Variants in ZNF273 observed in about 807,000 individuals in gnomAD.
The protein encoded by ZNF273 is zinc finger protein 273, also known as zinc finger protein 9.
ZNF273 carries 11 observed loss-of-function variants against 14.9 expected under a neutral mutation model. That is an observed-to-expected ratio of 0.74 (90% confidence interval 0.46 to 1.22). The LOEUF (loss-of-function observed/expected upper bound fraction) is 1.22, where lower values mean the gene tolerates loss of function less well. Ranked by LOEUF, ZNF273 falls within the 50% of genes most tolerant of loss-of-function variation. ZNF273 has a pLI of 0.00. For synonymous variants in ZNF273, 199 were observed against 223.9 expected (o/e 0.89, Z 0.99); for missense variants, 577 against 660.6 (o/e 0.87, Z 1.39).
At chr7:64,889,305 C>T (rs1472247004), downstream of ZNF273, 3 of 943,280 alleles carry the variant, frequency 3.2e-6, no homozygotes, top group African/African-American at 2.0e-5. This position sits in a 1 kb window ranked among gnomAD's most constrained non-coding sequence, Gnocchi z 4.2. Context: ...TCTCGCCCGC[C>T]GGTGCCTGAG....
At chr7:64,893,233 G>C (rs1321544421), downstream of ZNF273, among the ~76,000 whole-genome samples, 2 of 152,064 alleles carry the variant, frequency 1.3e-5, no homozygotes, top group Non-Finnish European at 2.9e-5. Flanking sequence ...TCATCACTCA[G>C]AGACAACCAA....
intron 1 of ZNF273, among the ~76,000 whole-genome samples, chr7:64,887,250 T>C (rs1791645690): frequency 6.6e-6 from 1 of 152,222 alleles, no homozygotes; most frequent in Non-Finnish European, 1.5e-5. Flanking sequence ...GGCAGTTTTC[T>C]CTAAAATGCA....
chr7:64,918,688 A>G (rs13223530), intron 3 of ZNF273, among the ~76,000 whole-genome samples: 1 of 136,220 alleles, frequency 7.3e-6, no homozygotes, highest in African/African-American at 2.7e-5. Context: ...AAAAAAAAAA[A>G]TGTGATTTGG....
In ZNF273 at chr7:64,930,405, G is replaced by C. The variant is rs1450675184; in HGVS notation, c.*1367G>C. On this transcript the variant is annotated 3_prime_UTR_variant, in exon 4 of 4. Coordinates refer to ENST00000476120, the MANE Select transcript of ZNF273 (RefSeq NM_021148.3). ...GTTCAGAGTAATATTCTGCATTATA[G>C]TGAAAAATTTTTAATATTAAAATTC... The C allele has an allele frequency of 2.6e-5, 4 of 152,126 alleles. No homozygotes were observed. The highest frequency in any genetic ancestry group is 4.8e-5 in the African/African-American group (2 of 41,434). 9.4% of individuals were successfully genotyped at this position (152,126 alleles called of 1,614,324 possible).
At chr7:64,911,113 A>T (rs542340080) in intron 1 of ZNF273, among the ~76,000 whole-genome samples, 5 of 152,014 alleles carry the variant, frequency 3.3e-5, no homozygotes, top group Non-Finnish European at 7.4e-5. Context: ...GGTTTTTTAC[A>T]TGAAGTATGT....
At chr7:64,902,514 G>A (rs1282910783), upstream of ZNF273, among the ~76,000 whole-genome samples, 1 of 152,224 alleles carries the variant, frequency 6.6e-6, no homozygotes, top group Non-Finnish European at 1.5e-5. Flanking sequence ...TGGATCACCT[G>A]AGGTCAGGAG....
chr7:64,903,335 A>G lies in ZNF273; in HGVS notation c.18A>G (p.Arg6=), dbSNP rs1792860309. 1 of 1,612,936 alleles carries G rather than the reference A, an allele frequency of 6.2e-7. No individual in the cohort carries two copies. Among genetic ancestry groups the G allele is most frequent in the Non-Finnish European group, 8.5e-7 (1 of 1,179,186 alleles). The part of the protein sequence containing the change: MSSAP[R]GPPSVAPLPA... ...ACTGCTCTATGTCCTCTGCTCCTAG[A>G]GGTCCACCTTCTGTGGCCCCGTTAC... The change falls in exon 1 of 4, where the codon AGA becomes AGG. Residue 6 remains arginine, a synonymous_variant. Coordinates refer to ENST00000476120, the MANE Select transcript of ZNF273 (RefSeq NM_021148.3).
At chr7:64,878,590 A>T (rs1791176054) in intron 2 of ZNF273, 1 of 152,246 alleles carries the variant, frequency 6.6e-6, no homozygotes, top group Non-Finnish European at 1.5e-5. Flanking sequence ...TTCCAACTCT[A>T]GTCCTGCATT....
At chr7:64,924,140 G>A (rs1051759117) in intron 3 of ZNF273, 63 of 152,216 alleles carry the variant, frequency 4.1e-4, no homozygotes, top group African/African-American at 1.5e-3. Context: ...TTGTAAACTT[G>A]TTAGCTTTTA....
intron 3 of ZNF273, among the ~76,000 whole-genome samples, chr7:64,926,498 AGTT>A (rs1409470100): frequency 3.3e-5 from 5 of 152,024 alleles, no homozygotes; most frequent in African/African-American, 9.7e-5. Flanking sequence ...GATTTTCAGT[AGTT>A]GTCTGTGTTC....
At chr7:64,916,960 C>T in intron 1 of ZNF273, 1 of 1,190,046 alleles carries the variant, frequency 8.4e-7, no homozygotes, top group Non-Finnish European at 1.1e-6. Flanking sequence ...CTGGAAGCTG[C>T]CCTTCTTTCT....
chr7:64,919,292 C>T (rs931724771), intron 3 of ZNF273, among the ~76,000 whole-genome samples: 1 of 152,108 alleles, frequency 6.6e-6, no homozygotes, highest in Admixed American at 6.6e-5. Flanking sequence ...TTCTTTGAAT[C>T]CATATACGTA....
At chr7:64,927,595 G>A in intron 3 of ZNF273, 59 bp from the exon 4 acceptor site, 1 of 1,414,642 alleles carries the variant, frequency 7.1e-7, no homozygotes. Flanking sequence ...GGTTAGATTT[G>A]TAAAGTATAT....
chr7:64,935,553 C>T (rs1202511409), downstream of ZNF273, among the ~76,000 whole-genome samples: 1 of 152,074 alleles, frequency 6.6e-6, no homozygotes, highest in Non-Finnish European at 1.5e-5. Context: ...AACAGAGTCT[C>T]ACTCTGTCAC....
intron 3 of ZNF273, among the ~76,000 whole-genome samples, chr7:64,920,191 A>G (rs1202399174): frequency 1.3e-5 from 2 of 152,268 alleles, no homozygotes; most frequent in Middle Eastern, 3.4e-3. Context: ...GGCTTGTTAC[A>G]AGGAGCTTGG....
intron 1 of ZNF273, among the ~76,000 whole-genome samples, chr7:64,904,233 C>A (rs1419981124): frequency 1.3e-5 from 2 of 152,138 alleles, no homozygotes; most frequent in African/African-American, 4.8e-5. Context: ...GGATTACAGG[C>A]GCACGCCGCC....
At chr7:64,916,024 C>T (rs922763695) in intron 1 of ZNF273, among the ~76,000 whole-genome samples, 6 of 151,864 alleles carry the variant, frequency 4.0e-5, no homozygotes, top group Non-Finnish European at 7.4e-5. Flanking sequence ...GGTGAAACCT[C>T]GTCTATACTA....
At chr7:64,932,362 G>T (rs146692410), downstream of ZNF273, among the ~76,000 whole-genome samples, 1 of 152,134 alleles carries the variant, frequency 6.6e-6, no homozygotes, top group East Asian at 1.9e-4. Flanking sequence ...CCAGGCTGGA[G>T]TGCAATGGCG....
downstream of ZNF273, among the ~76,000 whole-genome samples, chr7:64,883,073 T>A (rs1562946457): frequency 6.6e-6 from 1 of 152,160 alleles, no homozygotes; most frequent in Non-Finnish European, 1.5e-5. Context: ...TTTCTTTTTT[T>A]TCCGAGTGGC....
Sources: allele counts gnomAD v4.1 joint callset (sites outside exome capture counted in the v4.1 genomes callset), GRCh38; gene constraint gnomAD v4.1.1; non-coding constraint Gnocchi (gnomAD v3.1); transcripts MANE v1.5; gene names NCBI Gene and HGNC (gene_info 2026-07-23, HGNC 2026-07-21).